The following ZMYND8 variants were observed in gnomAD, a reference collection of about 807,000 sequenced individuals.
ZMYND8 encodes the protein zinc finger MYND-type containing 8.
In ZMYND8, 37 loss-of-function variants were observed where a neutral mutation model predicts 140.8. The ratio of observed to expected loss-of-function variants is 0.26; its 90% CI spans 0.20 to 0.35. The LOEUF (loss-of-function observed/expected upper bound fraction) is 0.35. Among genes scored for constraint, ZMYND8 ranks in the 10% least tolerant of loss-of-function variants. The pLI is 1.00. For missense variants in ZMYND8, 1,068 were observed against 1,570.0 expected (o/e 0.68, Z 5.40); for synonymous variants, 592 against 597.1 (o/e 0.99, Z 0.12).
chr20:47,250,057 G>A (rs938861673), intron 12 of ZMYND8, among the ~76,000 whole-genome samples: 1 of 152,136 alleles, frequency 6.6e-6, no homozygotes, highest in African/African-American at 2.4e-5. Context: ...TGAGGCAAGG[G>A]GAACAGATTA....
intron 3 of ZMYND8, among the ~76,000 whole-genome samples, chr20:47,299,232 A>G (rs186188534): frequency 6.6e-6 from 1 of 152,286 alleles, no homozygotes; most frequent in East Asian, 1.9e-4. Context: ...ACCCACATCT[A>G]CCTAGGTTCA....
chr20:47,350,793 A>G (rs982974553), intron 1 of ZMYND8, among the ~76,000 whole-genome samples: 13 of 152,238 alleles, frequency 8.5e-5, no homozygotes, highest in African/African-American at 3.1e-4. Context: ...ACAATGGGAC[A>G]ACAAGCTCTT....
rs550944709 is a variant in ZMYND8 at position 47,282,164 on chromosome 20, A to G, written c.936T>C (p.Pro312=). Residue 312 remains proline (P), a synonymous_variant, in exon 10 of 23, where the codon CCT becomes CCC. Transcript: ENST00000471951. The stretch of plus-strand genomic sequence containing the variant: ...CGTCTTTATCCCTTAGAGCTTTTGC[A>G]GGCCAGAATGGAAACCCCTTCAGTT... The part of the protein sequence containing the change: ...WAKLKGFPFW[P]AKALRDKDGQ... 1 of 1,614,144 alleles carries G rather than the reference A, an allele frequency of 6.2e-7. No homozygotes were observed. Among genetic ancestry groups the G allele is most frequent in the South Asian group, 1.1e-5 (1 of 91,080 alleles).
chr20:47,324,200 T>C (rs2080208193), intron 2 of ZMYND8, among the ~76,000 whole-genome samples: 1 of 75,258 alleles, frequency 1.3e-5, no homozygotes, highest in Non-Finnish European at 2.2e-5. Context: ...AGACTCTGTC[T>C]CAAAAAAAAA....
At chr20:47,240,460 G>A (rs1467149543) in intron 14 of ZMYND8, among the ~76,000 whole-genome samples, 1 of 151,660 alleles carries the variant, frequency 6.6e-6, no homozygotes, top group African/African-American at 2.4e-5. Flanking sequence ...GTTGCAGGGA[G>A]CCGAGACCAT....
chr20:47,289,595 C>T (rs1236008333), intron 7 of ZMYND8, among the ~76,000 whole-genome samples: 12 of 144,536 alleles, frequency 8.3e-5, no homozygotes, highest in African/African-American at 1.3e-4. Context: ...GGATGAATGG[C>T]GGCATATTGA....
chr20:47,300,605 A>G (rs2077950325), intron 3 of ZMYND8, among the ~76,000 whole-genome samples: 1 of 152,192 alleles, frequency 6.6e-6, no homozygotes, highest in African/African-American at 2.4e-5. Context: ...GTCTTTTCCT[A>G]TCATATACTT....
intron 2 of ZMYND8, among the ~76,000 whole-genome samples, chr20:47,316,318 G>C (rs1390831358): frequency 2.8e-5 from 4 of 144,940 alleles, no homozygotes; most frequent in Non-Finnish European, 4.5e-5. Context: ...GCAACAGAAC[G>C]AGACTTTGTC....
chr20:47,284,079 C>T (rs190319709), intron 8 of ZMYND8, among the ~76,000 whole-genome samples: 3 of 152,168 alleles, frequency 2.0e-5, no homozygotes, highest in Non-Finnish European at 2.9e-5. Flanking sequence ...TGCATCACCA[C>T]GCCCAGCTAA....
chr20:47,216,561 C>T (rs1246104898), intron 21 of ZMYND8, among the ~76,000 whole-genome samples: 1 of 145,284 alleles, frequency 6.9e-6, no homozygotes, highest in Non-Finnish European at 1.5e-5. Context: ...AATCCCAGCA[C>T]TTTGGGAGGC....
chr20:47,324,015 A>G lies in ZMYND8; in HGVS notation c.86-13811T>C, dbSNP rs370794353. Among the ~76,000 whole-genome samples, 491 of 151,804 alleles carry G rather than the reference A, an allele frequency of 3.2e-3. 4 individuals are homozygous for G. The highest frequency in any genetic ancestry group is 0.012 in the African/African-American group (477 of 41,298). Reference sequence around the variant, plus strand: ...AGAGATCGAGACCATCCTGGCCAACATGGTGAAAACCTGTCTCCACTACAA... The same window carrying G: ...AGAGATCGAGACCATCCTGGCCAACGTGGTGAAAACCTGTCTCCACTACAA... On this transcript the variant is annotated intron_variant, in intron 2 of 22. Transcript: ENST00000471951.
chr20:47,289,681 T>C (rs1343089701), intron 7 of ZMYND8, among the ~76,000 whole-genome samples: 1 of 150,568 alleles, frequency 6.6e-6, no homozygotes, highest in Non-Finnish European at 1.5e-5. Flanking sequence ...CTCCTCAAAA[T>C]ATTACACTGC....
chr20:47,214,437 C>T (rs1342959792), intron 21 of ZMYND8, among the ~76,000 whole-genome samples: 1 of 152,152 alleles, frequency 6.6e-6, no homozygotes, highest in African/African-American at 2.4e-5. Context: ...GGCTCCATGG[C>T]GCTCTCACTG....
chr20:47,221,527 T>A, intron 19 of ZMYND8, 53 bp from the exon 20 acceptor site: 3 of 1,583,396 alleles, frequency 1.9e-6, no homozygotes, highest in Non-Finnish European at 1.7e-6. Context: ...TACGATGATT[T>A]TGAAACATGC....
chr20:47,306,150 G>A (rs1452988398), intron 3 of ZMYND8, among the ~76,000 whole-genome samples: 1 of 152,184 alleles, frequency 6.6e-6, no homozygotes, highest in Non-Finnish European at 1.5e-5. Flanking sequence ...CACTTTGGGA[G>A]GTTGAAGCAG....
chr20:47,323,776 C>T (rs548048899), intron 2 of ZMYND8, among the ~76,000 whole-genome samples: 1 of 152,230 alleles, frequency 6.6e-6, no homozygotes, highest in African/African-American at 2.4e-5. Flanking sequence ...AACTGCACTC[C>T]CCTCTCCACT....
At chr20:47,227,759 TAAAC>T (rs888785954) in intron 17 of ZMYND8, among the ~76,000 whole-genome samples, 9 of 152,118 alleles carry the variant, frequency 5.9e-5, no homozygotes, top group East Asian at 1.9e-4. Context: ...AAAGGGCAAA[TAAAC>T]AAACAAACTC....
intron 7 of ZMYND8, among the ~76,000 whole-genome samples, chr20:47,287,848 A>T (rs6018394): frequency 4.0e-5 from 6 of 151,014 alleles, no homozygotes; most frequent in Non-Finnish European, 5.9e-5. Flanking sequence ...ACACACACAC[A>T]CACGCACACA....
intron 17 of ZMYND8, 45 bp from the exon 18 acceptor site, chr20:47,227,326 T>C: frequency 6.3e-7 from 1 of 1,598,168 alleles, no homozygotes; most frequent in East Asian, 2.2e-5. Context: ...TCTCATGCAG[T>C]TCACCAGGAG....
Sources: allele counts gnomAD v4.1 joint callset (sites outside exome capture counted in the v4.1 genomes callset), GRCh38; gene constraint gnomAD v4.1.1; transcripts MANE v1.5; gene names NCBI Gene and HGNC (gene_info 2026-07-23, HGNC 2026-07-21).